Variants in UBE4B observed in about 807,000 individuals in gnomAD.
The protein encoded by UBE4B is ubiquitination factor E4B.
In UBE4B, 27 loss-of-function variants were observed where a neutral mutation model predicts 148.1. The observed-to-expected ratio is 0.18, with a 90% confidence interval of 0.13 to 0.25. The LOEUF is 0.25. UBE4B is among the 10% of genes least tolerant of loss of function. The pLI is 1.00. For synonymous variants in UBE4B, 596 were observed against 619.3 expected (o/e 0.96, Z 0.56); for missense variants, 1,170 against 1,662.4 (o/e 0.70, Z 5.15).
chr1:10,045,822 G>A (rs1324402503), intron 1 of UBE4B, among the ~76,000 whole-genome samples: 2 of 152,176 alleles, frequency 1.3e-5, no homozygotes, highest in African/African-American at 4.8e-5. Flanking sequence ...CAATAGGATT[G>A]GGTAGTGAGT....
intron 2 of UBE4B, chr1:10,072,843 TATA>T (rs1644512304): frequency 4.7e-5 from 8 of 170,712 alleles, no homozygotes; most frequent in Admixed American, 4.4e-4. Flanking sequence ...ATTATTGTCA[TATA>T]ATAATAATTA....
chr1:10,159,009 C>CAA (rs368376272), intron 22 of UBE4B, among the ~76,000 whole-genome samples: 68 of 68,608 alleles, frequency 9.9e-4, no homozygotes, highest in African/African-American at 2.0e-3. Flanking sequence ...GACTCCGTCT[C>CAA]AAAAAAAAAA....
chr1:10,049,397 G>A (rs1202337919), intron 1 of UBE4B, among the ~76,000 whole-genome samples: 1 of 152,050 alleles, frequency 6.6e-6, no homozygotes, highest in Non-Finnish European at 1.5e-5. Context: ...GGAATGTAGG[G>A]AGGGGACTGG....
intron 17 of UBE4B, among the ~76,000 whole-genome samples, chr1:10,139,282 T>G (rs1031822499): frequency 1.3e-5 from 2 of 152,114 alleles, no homozygotes; most frequent in African/African-American, 2.4e-5. Flanking sequence ...TCCCAGCTAC[T>G]TGGGAGGCTA....
chr1:10,141,966 T>A (rs574014560), intron 17 of UBE4B, among the ~76,000 whole-genome samples: 51 of 152,306 alleles, frequency 3.3e-4, no homozygotes, highest in Non-Finnish European at 6.0e-4. Flanking sequence ...AGCTGCTCCT[T>A]TCCTTTAACA....
intron 18 of UBE4B, among the ~76,000 whole-genome samples, chr1:10,145,785 C>CT (rs1557594383): frequency 6.6e-6 from 1 of 152,116 alleles, no homozygotes; most frequent in African/African-American, 2.4e-5. Context: ...GCCCCTCATT[C>CT]TTTCTTTTTA....
At chr1:10,132,165 C>G (rs573604984) in intron 14 of UBE4B, among the ~76,000 whole-genome samples, 34 of 152,170 alleles carry the variant, frequency 2.2e-4, no homozygotes, top group Non-Finnish European at 4.0e-4. Context: ...CTACCTCCCC[C>G]ACTCCATATT....
intron 20 of UBE4B, among the ~76,000 whole-genome samples, chr1:10,150,720 C>T (rs1243175688): frequency 6.6e-6 from 1 of 150,932 alleles, no homozygotes; most frequent in Non-Finnish European, 1.5e-5. Context: ...GTTAGCTGGG[C>T]ATGGTGGCAG....
chr1:10,102,765 A>T (rs1219121560), intron 4 of UBE4B, among the ~76,000 whole-genome samples, 183 bp from the exon 5 acceptor site: 1 of 152,040 alleles, frequency 6.6e-6, no homozygotes, highest in Non-Finnish European at 1.5e-5. Flanking sequence ...TGAGACTTAG[A>T]TGTTGTAACT....
chr1:10,167,676 T>C (rs1646274716), intron 23 of UBE4B, among the ~76,000 whole-genome samples: 1 of 142,208 alleles, frequency 7.0e-6, no homozygotes, highest in Non-Finnish European at 1.5e-5. Context: ...CACTGCAGCC[T>C]CAGCCTTCTG....
chr1:10,071,455 G>A (rs979004924), intron 1 of UBE4B, among the ~76,000 whole-genome samples: 3 of 152,116 alleles, frequency 2.0e-5, no homozygotes, highest in Admixed American at 6.5e-5. Context: ...GGACATGGTG[G>A]TTTGCACCTG....
intron 18 of UBE4B, among the ~76,000 whole-genome samples, chr1:10,146,066 C>T (rs1316691562): frequency 1.3e-5 from 2 of 152,140 alleles, no homozygotes; most frequent in African/African-American, 2.4e-5. Flanking sequence ...ATAGACTAGA[C>T]TTCTTCAAGA....
chr1:10,156,239 CTTTTTT>C (rs199801311), intron 21 of UBE4B, among the ~76,000 whole-genome samples: 2 of 123,774 alleles, frequency 1.6e-5, no homozygotes, highest in African/African-American at 3.1e-5. Context: ...ATTTTCTTTT[CTTTTTT>C]TTTTTTTTTT....
chr1:10,173,885 G>C (rs12078482), intron 25 of UBE4B, among the ~76,000 whole-genome samples: 15,672 of 152,190 alleles, frequency 0.1, 1,676 homozygotes, highest in African/African-American at 0.27. Flanking sequence ...GGAATGCTTT[G>C]AGCGGCCTTT....
Position 10,095,542 on chromosome 1 carries a change from A to T in UBE4B, c.293A>T (p.Gln98Leu). Reference sequence around the variant, plus strand: ...TCTAATAGCCTTGAAACGCAATCTCAGTCTCTCTCACGTTCCCAGAGCATG... The same window carrying T: ...TCTAATAGCCTTGAAACGCAATCTCTGTCTCTCTCACGTTCCCAGAGCATG... ...SPSNSLETQS[Q>L]SLSRSQSMDI... is the part of the protein sequence containing the mutation. The change falls in exon 3 of 28, where the codon CAG (glutamine) becomes CTG (leucine). Residue 98 changes from glutamine to leucine, a missense_variant. Gln to Leu is a moderately radical substitution (Grantham distance 113). This residue lies in a region of UBE4B where 127 missense variants were observed against 153.2 expected (regional missense o/e 0.83). Transcript: ENST00000343090. 1 of 1,614,174 alleles carries T rather than the reference A, an allele frequency of 6.2e-7. No homozygotes were observed. Among genetic ancestry groups the T allele is most frequent in the Non-Finnish European group, 8.5e-7 (1 of 1,180,030 alleles).
chr1:10,169,324 T>A (rs1025688677), intron 24 of UBE4B, among the ~76,000 whole-genome samples: 8 of 152,216 alleles, frequency 5.3e-5, no homozygotes, highest in African/African-American at 1.9e-4. Context: ...TTTCCCCTGA[T>A]TTTCTGTATT....
chr1:10,073,986 G>A (rs1028664398), intron 2 of UBE4B, among the ~76,000 whole-genome samples: 1 of 142,182 alleles, frequency 7.0e-6, no homozygotes, highest in Non-Finnish European at 1.5e-5. Flanking sequence ...GGAGCATGGT[G>A]GCTGTTCATA....
chr1:10,163,663 G>A (rs111584262), intron 23 of UBE4B, among the ~76,000 whole-genome samples: 5 of 151,852 alleles, frequency 3.3e-5, no homozygotes, highest in African/African-American at 1.2e-4. Context: ...GTGAGACTCC[G>A]TCTCAAATAA....
In UBE4B at chr1:10,126,466, C is replaced by T. The variant is rs191447805; in HGVS notation, c.1555-328C>T. On this transcript the variant is annotated intron_variant, in intron 10 of 27. Coordinates refer to ENST00000343090, the MANE Select transcript of UBE4B (RefSeq NM_001105562.3). ...TGCAGAATTTAATTGAGTAGAGCAA[C>T]GACTCCTGGAGAGTTCTTCAACAGG... is the stretch of plus-strand genomic sequence containing the variant. Among the ~76,000 whole-genome samples the T allele has an allele frequency of 7.7e-4, 117 of 152,296 alleles. 2 individuals are homozygous for T. The East Asian group carries it at 0.016, about 21-fold the overall frequency.
Sources: allele counts gnomAD v4.1 joint callset (sites outside exome capture counted in the v4.1 genomes callset), GRCh38; gene constraint gnomAD v4.1.1; regional missense constraint gnomAD v4.1.1; transcripts MANE v1.5; gene names NCBI Gene and HGNC (gene_info 2026-07-23, HGNC 2026-07-21).